Variants in CLCN2 observed in about 807,000 individuals in gnomAD.
CLCN2 encodes the protein chloride voltage-gated channel 2.
A neutral mutation model predicts 108.3 loss-of-function variants in CLCN2; 72 were observed. The observed-to-expected ratio is 0.66, with a 90% CI of 0.55 to 0.81. The LOEUF (loss-of-function observed/expected upper bound fraction) is 0.81, where lower values mean the gene tolerates loss of function less well. CLCN2 is among the 30% of genes least tolerant of loss of function. The pLI, the probability that CLCN2 is intolerant of heterozygous loss-of-function variation, is 0.00. For missense variants in CLCN2, 1,048 were observed against 1,205.2 expected (o/e 0.87, Z 1.93); for synonymous variants, 471 against 467.1 (o/e 1.01, Z -0.11).
In CLCN2 at chr3:184,354,532, G is replaced by A. The variant is rs775672483; in HGVS notation, c.1507+16C>T. 15 of 1,603,336 alleles carry A rather than the reference G, an allele frequency of 9.4e-6. No homozygotes were observed. In the East Asian group the frequency reaches 3.1e-4, roughly 33 times the overall value. ...TGGGGGGGTCTCCCAAGGCCGATGG[G>A]ACCTGAGGCACTCACCGACCACAGC... is the stretch of plus-strand genomic sequence containing the variant. On this transcript the variant is annotated intron_variant, in intron 14 of 23. Transcript: ENST00000265593.
chr3:184,354,869 G>A (rs761727072), intron 13 of CLCN2, 35 bp downstream of exon 13: 259 of 1,604,826 alleles, frequency 1.6e-4, no homozygotes, highest in Non-Finnish European at 2.1e-4. Context: ...GCTGAGGAAG[G>A]TGCAGGCTGG....
chr3:184,354,997 G>A, intron 12 of CLCN2, 24 bp from the exon 13 acceptor site: 1 of 1,610,808 alleles, frequency 6.2e-7, no homozygotes, highest in Non-Finnish European at 8.5e-7. Context: ...GTGGTTCAAA[G>A]GCGAAGAGGC....
chr3:184,358,992 C>T lies in CLCN2; in HGVS notation c.203G>A (p.Arg68His), dbSNP rs61729156. The T allele has an allele frequency of 1.0e-3, 1,692 of 1,613,586 alleles. 14 individuals are homozygous for T. In the African/African-American group the frequency reaches 0.019, roughly 18 times the overall value. ...GTTCTCACCGCGGCATCGGGCGCAA[C>T]GGCTCCGTCCATATTCCAAGAGCTC... ...APELLEYGRS[R>H]CARCRVCSVR... Residue 68 changes from arginine to histidine, a missense_variant, in exon 2 of 24, where the codon CGT (arginine) becomes CAT (histidine). Transcript: ENST00000265593.
In CLCN2 at chr3:184,358,034, T is replaced by G; in HGVS notation, c.543A>C (p.Thr181=). Residue 181 remains threonine (T), a synonymous_variant, in exon 5 of 24, where the codon ACA becomes ACC. Coordinates refer to ENST00000265593, the MANE Select transcript of CLCN2 (RefSeq NM_004366.6). ...LRGVVLKEYL[T]LKTFIAKVIG... ...TGACCTTAGCTATAAAGGTCTTGAG[T>G]GTGAGGTATTCTTTCAGCACCACTC... 1 of 1,613,992 alleles carries G rather than the reference T, an allele frequency of 6.2e-7. No individual in the cohort carries two copies. Among genetic ancestry groups the G allele is most frequent in the Non-Finnish European group, 8.5e-7 (1 of 1,180,014 alleles).
At chr3:184,354,507 TG>T (rs749192189) in intron 14 of CLCN2, 40 bp downstream of exon 14, 40 of 1,325,256 alleles carry the variant, frequency 3.0e-5, no homozygotes, top group Middle Eastern at 1.9e-4. Flanking sequence ...GGGGCGTGGG[TG>T]GGGGGGTCTC....
intron 14 of CLCN2, 62 bp downstream of exon 14, chr3:184,354,486 A>C (rs1290251823): frequency 4.5e-6 from 6 of 1,338,386 alleles, no homozygotes; most frequent in Non-Finnish European, 1.1e-6. Context: ...AGAGTCTCGG[A>C]CCCTGTGGCT....
At chr3:184,359,379 T>C (rs1199444085) in intron 1 of CLCN2, among the ~76,000 whole-genome samples, 1 of 151,994 alleles carries the variant, frequency 6.6e-6, no homozygotes, top group Non-Finnish European at 1.5e-5. Flanking sequence ...GAATAATCGG[T>C]CCTCTTCTCA....
At position 184,355,913 on chromosome 3, in the gene CLCN2, G is replaced by A; in HGVS notation, c.1086-135C>T. ...GTCCTGACAGAAGGTCTCCTTTGCTGTTTATGATACGATAGCCCCAAGGCT... is the reference window on the plus strand; with the variant it reads ...GTCCTGACAGAAGGTCTCCTTTGCTATTTATGATACGATAGCCCCAAGGCT... On this transcript the variant is annotated intron_variant, in intron 10 of 23. Coordinates refer to ENST00000265593, the MANE Select transcript of CLCN2 (RefSeq NM_004366.6). This position sits in a 1 kb window ranked among gnomAD's most constrained non-coding sequence, Gnocchi z 6.3. The A allele has an allele frequency of 7.9e-6, 6 of 756,008 alleles. No homozygotes were observed. The highest frequency in any genetic ancestry group is 1.4e-5 in the Non-Finnish European group (6 of 427,390). The allele number at this position is 756,008 out of a possible 1,614,324, so 46.8% of individuals were successfully genotyped here.
In CLCN2 at chr3:184,359,086, C is replaced by T; in HGVS notation, c.109G>A (p.Glu37Lys). Reference protein sequence around the residue: ...TQDLGAFAKEEAARIRLGGPE... With the variant: ...TQDLGAFAKEKAARIRLGGPE... ...CCTCCCAGGCGAATCCGAGCAGCTT[C>T]CTCTTTGGCAAAGGCCCCAAGGTCC... Residue 37 changes from glutamate (E) to lysine (K), a missense_variant, in exon 2 of 24, where the codon GAA (glutamate) becomes AAA (lysine). Glu to Lys is a moderately conservative substitution (Grantham distance 56, BLOSUM62 1). Coordinates refer to ENST00000265593, the MANE Select transcript of CLCN2 (RefSeq NM_004366.6). 1.2e-6 allele frequency: 2 copies of T among 1,613,768 alleles called. No homozygotes were observed. Among genetic ancestry groups the T allele is most frequent in the South Asian group, 2.2e-5 (2 of 91,086 alleles).
In CLCN2 at chr3:184,346,824, G is replaced by A. The variant is rs1438430211; in HGVS notation, c.2503-24C>T. ...AGCTGGAAAGGTGAGAGGGACAGAT[G>A]TCTGGACCCAGATGTCAGACTCCTC... On this transcript the variant is annotated intron_variant, in intron 23 of 23. Transcript: ENST00000265593. This position sits in a 1 kb window ranked among gnomAD's most constrained non-coding sequence, Gnocchi z 6.0. 2 of 1,613,746 alleles carry A rather than the reference G, an allele frequency of 1.2e-6. No homozygotes were observed. Among genetic ancestry groups the A allele is most frequent in the Admixed American group, 1.7e-5 (1 of 60,004 alleles).
chr3:184,360,441 C>T (rs946864829), intron 1 of CLCN2, among the ~76,000 whole-genome samples: 2 of 152,036 alleles, frequency 1.3e-5, no homozygotes, highest in Non-Finnish European at 2.9e-5. Context: ...GTGTCTCCTA[C>T]CCCATCCCAA....
At chr3:184,352,203 C>A in intron 21 of CLCN2, 86 bp from the exon 22 acceptor site, 1 of 1,601,392 alleles carries the variant, frequency 6.2e-7, no homozygotes, top group Non-Finnish European at 8.6e-7. Context: ...CTTTTTCCAA[C>A]CCCGTGGTCC....
rs1560256779 is a variant in CLCN2, at chr3:184,353,308, G to A, written c.1970C>T (p.Thr657Ile). The A allele has an allele frequency of 1.9e-6, 3 of 1,613,702 alleles. No individual in the cohort carries two copies. Among genetic ancestry groups the A allele is most frequent in the Non-Finnish European group, 2.5e-6 (3 of 1,180,006 alleles). Residue 657 changes from threonine (T) to isoleucine (I), a missense_variant, in exon 17 of 24, where the codon ACC (threonine) becomes ATC (isoleucine). Thr to Ile is a moderately conservative substitution (Grantham distance 89, BLOSUM62 -1). Coordinates refer to ENST00000265593, the MANE Select transcript of CLCN2 (RefSeq NM_004366.6). ...QHMQERRATQ[T>I]SPLSDQEGPP... ...ACCCTCCTGATCAGATAGTGGAGAGGTCTGGGTGGCTCTGCGCTCCTGCAT... is the reference window on the plus strand; with the variant it reads ...ACCCTCCTGATCAGATAGTGGAGAGATCTGGGTGGCTCTGCGCTCCTGCAT...
Position 184,361,600 on chromosome 3 carries a change from G to C in CLCN2, c.-121C>G. ...CCCGCAGCCCGGGAGGCCGAGAGCA[G>C]AGTGCGGCGGGCCCCCGGCGGGCGC... On this transcript the variant is annotated 5_prime_UTR_variant, in exon 1 of 24. Coordinates refer to ENST00000265593, the MANE Select transcript of CLCN2 (RefSeq NM_004366.6). The surrounding 1 kb of genome is among the most constrained non-coding windows in gnomAD (Gnocchi z 6.6). The C allele has an allele frequency of 2.2e-6, 2 of 926,442 alleles. No homozygotes were observed. The highest frequency in any genetic ancestry group is 4.2e-5 in the Admixed American group (1 of 23,992). The allele number at this position is 926,442 out of a possible 1,614,324, so 57.4% of individuals were successfully genotyped here. A position where few individuals can be genotyped will look rare whatever the true frequency, so the allele number is the denominator to read the frequency against.
rs1278949777 is a variant in CLCN2, at chr3:184,358,325, C to A, written c.353-15G>T. The A allele has an allele frequency of 6.2e-7, 1 of 1,613,232 alleles. No individual in the cohort carries two copies. Among genetic ancestry groups the A allele is most frequent in the Admixed American group, 1.7e-5 (1 of 60,014 alleles). On this transcript the variant is annotated splice_polypyrimidine_tract_variant and intron_variant, in intron 3 of 23. Coordinates refer to ENST00000265593, the MANE Select transcript of CLCN2 (RefSeq NM_004366.6). The stretch of plus-strand genomic sequence containing the variant: ...CCACTGCTGGGCTGTGGGAAGAGGA[C>A]CTGCTGGACCCCCAGTGCACACACC...
In CLCN2 at chr3:184,353,681, C is replaced by T; in HGVS notation, c.1836G>A (p.Leu612=). 6.2e-7 allele frequency: 1 copy of T among 1,612,280 alleles called. No homozygotes were observed. The highest frequency in any genetic ancestry group is 8.5e-7 in the Non-Finnish European group (1 of 1,179,700). ...LALHRTKGRM[L]ALVESPESMI... ...CCTCACCAGGGGACTCCACTAGGGC[C>T]AGCATTCGGCCCTTGGTCCTGTGCA... The change falls in exon 16 of 24, where the codon CTG becomes CTA. Residue 612 remains leucine (L), a synonymous_variant. Coordinates refer to ENST00000265593, the MANE Select transcript of CLCN2 (RefSeq NM_004366.6).
At chr3:184,347,343 T>C (rs1337302318) in intron 22 of CLCN2, 1 of 421,478 alleles carries the variant, frequency 2.4e-6, no homozygotes, top group African/African-American at 2.0e-5. Context: ...TGAAATCTAG[T>C]GATTGGCCAG....
In CLCN2 at chr3:184,346,620, C is replaced by T. The variant is rs150751460; in HGVS notation, c.2683G>A (p.Asp895Asn). ...PREGSPSDSD[D>N]KCQ ...CCACGAGGGGCTCATTGGCATTTGT[C>T]GTCGCTGTCGGAAGGGCTGCCCTCC... The change falls in exon 24 of 24, where the codon GAC becomes AAC. Residue 895 changes from aspartate to asparagine, a missense_variant. By Grantham distance (23) the Asp-to-Asn change is conservative (BLOSUM62 1). Coordinates refer to ENST00000265593, the MANE Select transcript of CLCN2 (RefSeq NM_004366.6). The surrounding 1 kb of genome is among the most constrained non-coding windows in gnomAD (Gnocchi z 6.0). 1.5e-4 allele frequency: 245 copies of T among 1,613,990 alleles called. No homozygotes were observed. The African/African-American group carries it at 2.6e-3, about 17-fold the overall frequency.
chr3:184,356,880 C>G (rs994948715), intron 10 of CLCN2, 113 bp downstream of exon 10: 4 of 755,024 alleles, frequency 5.3e-6, no homozygotes, highest in Non-Finnish European at 9.5e-6. Context: ...TGGCTGATTT[C>G]TCAGTGAAGT....
Sources: gnomAD v4.1 joint callset for allele counts (sites outside exome capture counted in the v4.1 genomes callset) on GRCh38, gnomAD v4.1.1 for gene constraint, Gnocchi (gnomAD v3.1) non-coding constraint, MANE v1.5 for transcripts, NCBI Gene and HGNC (gene_info 2026-07-23, HGNC 2026-07-21) for gene names.